The following GHR variants were observed in gnomAD, a reference collection of about 807,000 sequenced individuals.
GHR encodes GH receptor.
Under a neutral mutation model 67.1 loss-of-function variants are expected in GHR, and 35 were observed. The observed-to-expected ratio is 0.52, with a 90% CI of 0.40 to 0.69. The LOEUF is 0.69. GHR is among the 30% of genes least tolerant of loss of function. The pLI is 0.00. For missense variants in GHR, 792 were observed against 764.6 expected (o/e 1.04, Z -0.42); for synonymous variants, 272 against 269.1 (o/e 1.01, Z -0.10).
intron 2 of GHR, among the ~76,000 whole-genome samples, chr5:42,617,425 C>CAG (rs2112698250): frequency 7.4e-6 from 1 of 134,572 alleles, no homozygotes; most frequent in African/African-American, 2.8e-5. Context: ...CACACACACA[C>CAG]AGCATTTGCT....
At chr5:42,554,355 T>A (rs532173650) in intron 1 of GHR, among the ~76,000 whole-genome samples, 26 of 151,816 alleles carry the variant, frequency 1.7e-4, no homozygotes, top group East Asian at 1.3e-3. Context: ...AAAAAAAAAA[T>A]TTGATGCTTT....
intron 2 of GHR, among the ~76,000 whole-genome samples, chr5:42,628,729 C>CA (rs1165237962): frequency 7.6e-6 from 1 of 131,928 alleles, no homozygotes; most frequent in Non-Finnish European, 1.6e-5. Flanking sequence ...TGTGACTTAA[C>CA]CCTTGCCTTG....
At chr5:42,546,967 T>C (rs1208267607) in intron 1 of GHR, among the ~76,000 whole-genome samples, 1 of 152,208 alleles carries the variant, frequency 6.6e-6, no homozygotes, top group Admixed American at 6.5e-5. Flanking sequence ...CTGCAAATTC[T>C]GGGGATCAGG....
intron 1 of GHR, among the ~76,000 whole-genome samples, chr5:42,479,349 T>G (rs1165031633): frequency 6.6e-6 from 1 of 152,228 alleles, no homozygotes; most frequent in African/African-American, 2.4e-5. Flanking sequence ...AAATTCTCTT[T>G]TTTGGTTGTG....
At chr5:42,518,883 A>G (rs1170275508) in intron 1 of GHR, among the ~76,000 whole-genome samples, 1 of 152,066 alleles carries the variant, frequency 6.6e-6, no homozygotes, top group Non-Finnish European at 1.5e-5. Flanking sequence ...TTGAAATAGA[A>G]AAAAAAAGTG....
chr5:42,601,117 A>G (rs13173465), intron 2 of GHR, among the ~76,000 whole-genome samples: 45,885 of 151,288 alleles, frequency 0.3, 9,045 homozygotes, highest in African/African-American at 0.57. Flanking sequence ...AGTAGAGATG[A>G]GGTTTCATCA....
At chr5:42,580,940 CCT>C (rs2112556147) in intron 2 of GHR, among the ~76,000 whole-genome samples, 1 of 152,316 alleles carries the variant, frequency 6.6e-6, no homozygotes, top group Admixed American at 6.5e-5. Flanking sequence ...GCCCCTGACT[CCT>C]CACCCACCTT....
chr5:42,472,816 C>T (rs1418135280), intron 1 of GHR, among the ~76,000 whole-genome samples: 1 of 152,196 alleles, frequency 6.6e-6, no homozygotes, highest in East Asian at 1.9e-4. Context: ...AGGGATTAGA[C>T]TCCTTCTGCT....
chr5:42,546,146 T>G (rs1055174744), intron 1 of GHR, among the ~76,000 whole-genome samples: 1 of 152,220 alleles, frequency 6.6e-6, no homozygotes, highest in Non-Finnish European at 1.5e-5. Flanking sequence ...TCAGCTTATG[T>G]TTTCACTCAA....
At position 42,455,279 on chromosome 5, in the gene GHR, G is replaced by A. The variant is rs147830682; in HGVS notation, c.-12+31324G>A. Among the ~76,000 whole-genome samples the A allele has an allele frequency of 1.0e-3, 154 of 152,224 alleles. No homozygotes were observed. In the East Asian group the frequency reaches 0.021, roughly 20 times the overall value. ...GCAGCAGCCTGTCACTTCTTTCAAA[G>A]GATCTGTGAATTCTTTCCATTTTCC... is the stretch of plus-strand genomic sequence containing the variant. On this transcript the variant is annotated intron_variant, in intron 1 of 9. Coordinates refer to ENST00000230882, the MANE Select transcript of GHR (RefSeq NM_000163.5).
rs1426329020 is a variant in GHR at position 42,686,429 on chromosome 5, A to G, written c.137-2461A>G. Among the ~76,000 whole-genome samples the G allele has an allele frequency of 2.0e-5, 3 of 152,220 alleles. No homozygotes were observed. In the South Asian group the frequency reaches 6.2e-4, roughly 32 times the overall value. ...ATGAACACTGATGCAAAAATCCTCA[A>G]TAAAATACTGGCAAACCTAATCCAG... On this transcript the variant is annotated intron_variant, in intron 3 of 9. Transcript: ENST00000230882.
intron 2 of GHR, among the ~76,000 whole-genome samples, chr5:42,573,664 T>G (rs1195429324): frequency 6.6e-6 from 1 of 152,176 alleles, no homozygotes. Flanking sequence ...CATTGAACTT[T>G]AGATTACAAA....
At chr5:42,705,064 G>A (rs1448743805) in intron 6 of GHR, among the ~76,000 whole-genome samples, 1 of 152,062 alleles carries the variant, frequency 6.6e-6, no homozygotes, top group Non-Finnish European at 1.5e-5. Flanking sequence ...GGGATGCAAG[G>A]ATGGTTCATC....
chr5:42,432,276 T>C (rs932328341), intron 1 of GHR, among the ~76,000 whole-genome samples: 1 of 152,224 alleles, frequency 6.6e-6, no homozygotes, highest in Non-Finnish European at 1.5e-5. Context: ...TTTTAAAACT[T>C]TGAATTGCCA....
intron 2 of GHR, among the ~76,000 whole-genome samples, chr5:42,587,079 T>A (rs1194446126): frequency 1.4e-5 from 2 of 146,730 alleles, no homozygotes; most frequent in Non-Finnish European, 3.1e-5. Context: ...TATTTTTTCT[T>A]ATCAAGACAT....
chr5:42,594,832 G>A (rs1751983191), intron 2 of GHR, among the ~76,000 whole-genome samples: 3 of 152,058 alleles, frequency 2.0e-5, no homozygotes, highest in Admixed American at 2.0e-4. Context: ...TAAGAAAATT[G>A]TAAAACAACA....
chr5:42,510,776 G>A (rs773850749), intron 1 of GHR, among the ~76,000 whole-genome samples: 1 of 152,134 alleles, frequency 6.6e-6, no homozygotes, highest in Non-Finnish European at 1.5e-5. Flanking sequence ...CCACAAAAGT[G>A]GTCATAGGAA....
At chr5:42,433,292 G>T (rs1258737151) in intron 1 of GHR, among the ~76,000 whole-genome samples, 1 of 151,658 alleles carries the variant, frequency 6.6e-6, no homozygotes, top group Non-Finnish European at 1.5e-5. Context: ...TATAGGGAGA[G>T]AATTATTTAT....
chr5:42,551,385 G>A (rs531311674), intron 1 of GHR, among the ~76,000 whole-genome samples: 49 of 152,308 alleles, frequency 3.2e-4, no homozygotes, highest in African/African-American at 1.1e-3. Context: ...ATATTTGAAC[G>A]TGACTTTGAA....
Sources: allele counts gnomAD v4.1 joint callset (sites outside exome capture counted in the v4.1 genomes callset), GRCh38; gene constraint gnomAD v4.1.1; transcripts MANE v1.5; gene names NCBI Gene and HGNC (gene_info 2026-07-23, HGNC 2026-07-21).